ZFHX3: variants seen among roughly 807,000 people sequenced by gnomAD.
ZFHX3 encodes zinc finger homeobox 3, also known as zinc finger homeobox protein 3.
A neutral mutation model predicts 279.1 loss-of-function variants in ZFHX3; 42 were observed. The observed-to-expected ratio is 0.15, with a 90% CI of 0.12 to 0.19. The LOEUF is 0.19. ZFHX3 is among the 10% of genes least tolerant of loss of function. The pLI, the probability that ZFHX3 is intolerant of heterozygous loss-of-function variation, is 1.00. For synonymous variants in ZFHX3, 2,293 were observed against 1,957.8 expected (o/e 1.17, Z -4.52); for missense variants, 4,981 against 4,754.0 (o/e 1.05, Z -1.40).
chr16:73,798,171 G>C (rs991773656), intron 1 of ZFHX3, among the ~76,000 whole-genome samples: 11 of 152,062 alleles, frequency 7.2e-5, no homozygotes, highest in African/African-American at 1.2e-4. Flanking sequence ...ATAATGTTCA[G>C]ACCAATTGTG....
chr16:72,901,882 C>T (rs1323175093), intron 3 of ZFHX3, among the ~76,000 whole-genome samples: 2 of 152,164 alleles, frequency 1.3e-5, no homozygotes, highest in Admixed American at 6.5e-5. Flanking sequence ...CCCAGACAAA[C>T]ACCCCATGCA....
intron 3 of ZFHX3, among the ~76,000 whole-genome samples, chr16:73,319,597 T>C (rs1359364726): frequency 6.6e-6 from 1 of 151,854 alleles, no homozygotes; most frequent in East Asian, 1.9e-4. Context: ...CCAATACGTG[T>C]GATCATCTCT....
At chr16:73,113,793 C>CT (rs71391487) in intron 7 of ZFHX3, among the ~76,000 whole-genome samples, 1,496 of 102,928 alleles carry the variant, frequency 0.015, 62 homozygotes, top group African/African-American at 0.051. Flanking sequence ...TTTTTGGAAA[C>CT]TTTTTTTTTT....
intron 5 of ZFHX3, among the ~76,000 whole-genome samples, chr16:73,147,255 C>T (rs560666012): frequency 4.6e-5 from 7 of 152,124 alleles, no homozygotes; most frequent in African/African-American, 4.8e-5. Context: ...ACAGGTACAA[C>T]GGGGATGAAT....
intron 5 of ZFHX3, among the ~76,000 whole-genome samples, chr16:73,253,388 C>T (rs2013567288): frequency 6.6e-6 from 1 of 151,866 alleles, no homozygotes; most frequent in African/African-American, 2.4e-5. Context: ...CCCTGAGGAC[C>T]ACCTGATCTT....
At chr16:73,222,464 T>C (rs1210285009) in intron 5 of ZFHX3, among the ~76,000 whole-genome samples, 1 of 151,992 alleles carries the variant, frequency 6.6e-6, no homozygotes, top group Non-Finnish European at 1.5e-5. Flanking sequence ...CAGAATAATA[T>C]TTAAATGAGA....
chr16:73,368,093 A>T (rs980223511), intron 3 of ZFHX3, among the ~76,000 whole-genome samples: 5 of 151,962 alleles, frequency 3.3e-5, no homozygotes, highest in Admixed American at 1.3e-4. Context: ...CTGGTCTCAA[A>T]CTCCTGACCT....
At chr16:72,868,124 G>C (rs2038068531) in intron 4 of ZFHX3, among the ~76,000 whole-genome samples, 1 of 152,170 alleles carries the variant, frequency 6.6e-6, no homozygotes, top group Non-Finnish European at 1.5e-5. Flanking sequence ...AATCTTTTTG[G>C]AATAACATGA....
chr16:73,193,285 T>C (rs961852038), intron 5 of ZFHX3, among the ~76,000 whole-genome samples: 4 of 152,222 alleles, frequency 2.6e-5, no homozygotes, highest in Non-Finnish European at 5.9e-5. Context: ...ACCACCTCTC[T>C]GGGCCTCAGT....
intron 3 of ZFHX3, among the ~76,000 whole-genome samples, chr16:73,394,760 T>A (rs1377505362): frequency 6.6e-6 from 1 of 152,188 alleles, no homozygotes; most frequent in Non-Finnish European, 1.5e-5. Context: ...CAAAGTAAAT[T>A]GAACTCTGTA....
At chr16:73,015,477 G>A (rs1261131109) in intron 1 of ZFHX3, 1 of 152,208 alleles carries the variant, frequency 6.6e-6, no homozygotes, top group Non-Finnish European at 1.5e-5. Flanking sequence ...CAGAAAAACA[G>A]TAGTTGGACA....
chr16:72,816,995 G>A lies in ZFHX3; in HGVS notation c.3530-4957C>T, dbSNP rs538615514. On this transcript the variant is annotated intron_variant, in intron 5 of 9. Transcript: ENST00000268489. Reference sequence around the variant, plus strand: ...TTAGTTAGAGGGAATAGGGAAGAGAGCTGATAAGCATTCATGCAAAGTTTT... The same window carrying A: ...TTAGTTAGAGGGAATAGGGAAGAGAACTGATAAGCATTCATGCAAAGTTTT... 1.2e-4 allele frequency among the ~76,000 whole-genome samples: 18 copies of A among 152,336 alleles called. No individual in the cohort carries two copies. In the South Asian group the frequency reaches 3.7e-3, roughly 32 times the overall value.
intron 3 of ZFHX3, among the ~76,000 whole-genome samples, chr16:73,423,477 G>A (rs558866719): frequency 7.9e-5 from 12 of 152,134 alleles, no homozygotes; most frequent in Non-Finnish European, 1.2e-4. Context: ...GTGATCTCAT[G>A]CATTTGTCAG....
At chr16:72,946,714 G>A (rs963139174) in intron 3 of ZFHX3, among the ~76,000 whole-genome samples, 9 of 152,184 alleles carry the variant, frequency 5.9e-5, no homozygotes, top group Non-Finnish European at 1.3e-4. Context: ...CACTAGCCGT[G>A]GGAGAGGGCA....
chr16:73,879,556 G>A (rs1240208219), intron 1 of ZFHX3, among the ~76,000 whole-genome samples: 3 of 152,094 alleles, frequency 2.0e-5, no homozygotes, highest in Non-Finnish European at 4.4e-5. Flanking sequence ...CTCTCTAGAT[G>A]AAGCAATTCC....
chr16:72,890,044 A>C, intron 3 of ZFHX3, 82 bp from the exon 4 acceptor site: 1 of 1,291,178 alleles, frequency 7.7e-7, no homozygotes, highest in Non-Finnish European at 1.1e-6. Context: ...CATCCTGGTC[A>C]CAGCCAGAGG....
chr16:73,252,279 G>A (rs2013533208), intron 5 of ZFHX3, among the ~76,000 whole-genome samples: 1 of 152,196 alleles, frequency 6.6e-6, no homozygotes, highest in Admixed American at 6.5e-5. Flanking sequence ...GAAAAGACTT[G>A]AGGTGGAAAG....
chr16:73,210,360 T>C (rs1428557622), intron 5 of ZFHX3, among the ~76,000 whole-genome samples: 2 of 152,124 alleles, frequency 1.3e-5, no homozygotes, highest in African/African-American at 4.8e-5. Flanking sequence ...ACATCTTTTT[T>C]CAAAGAAACT....
intron 4 of ZFHX3, among the ~76,000 whole-genome samples, chr16:73,286,008 T>C (rs894910913): frequency 6.6e-6 from 1 of 152,202 alleles, no homozygotes; most frequent in Non-Finnish European, 1.5e-5. Context: ...TTGGAATTCA[T>C]AATATGCGCA....
Sources: gnomAD v4.1 joint callset for allele counts (sites outside exome capture counted in the v4.1 genomes callset) on GRCh38, gnomAD v4.1.1 for gene constraint, MANE v1.5 for transcripts, NCBI Gene and HGNC (gene_info 2026-07-23, HGNC 2026-07-21) for gene names.